The following MPND variants were observed in gnomAD, a reference collection of about 807,000 sequenced individuals.
MPND encodes MPN domain containing, also known as MPN domain-containing protein.
In MPND, 56 loss-of-function variants were observed where a neutral mutation model predicts 59.2. The ratio of observed to expected loss-of-function variants is 0.95; its 90% CI spans 0.76 to 1.18. The LOEUF (loss-of-function observed/expected upper bound fraction) is 1.18, where lower values mean the gene tolerates loss of function less well. MPND is among the 50% of genes most tolerant of loss of function. MPND has a pLI of 0.00. For synonymous variants in MPND, 323 were observed against 291.9 expected, an observed-to-expected ratio of 1.11 and a Z score of -1.09; for missense variants, 671 against 676.0, an observed-to-expected ratio of 0.99 and a Z score of 0.08.
chr19:4,357,555 C>A lies in MPND; in HGVS notation c.1206C>A (p.Ile402=). The change falls in exon 10 of 13, where the codon ATC becomes ATA. Residue 402 remains isoleucine, a synonymous_variant. Transcript: ENST00000599840. ...GCAACCCAGGCCCCGAGTCCAAGAT[C>A]TCACCTTTCTGGGTGATGCCTCCTC... ...YSGNPGPESK[I]SPFWVMPPPE... is the part of the protein sequence containing the mutation. 6.2e-7 allele frequency: 1 copy of A among 1,613,604 alleles called. No homozygotes were observed. Among genetic ancestry groups the A allele is most frequent in the Non-Finnish European group, 8.5e-7 (1 of 1,179,802 alleles).
At chr19:4,357,052 T>C in intron 8 of MPND, 1 of 454,730 alleles carries the variant, frequency 2.2e-6, no homozygotes, top group Non-Finnish European at 3.7e-6. Flanking sequence ...AGGGTGCATC[T>C]TTTATATTAA....
At position 4,354,947 on chromosome 19, in the gene MPND, A is replaced by G. The variant is rs748009479; in HGVS notation, c.847-2A>G. The G allele has an allele frequency of 1.4e-5, 22 of 1,584,920 alleles. No homozygotes were observed. The East Asian group carries it at 5.0e-4, about 36-fold the overall frequency. On this transcript the variant is annotated splice_acceptor_variant, in intron 6 of 12. Coordinates refer to ENST00000599840, the MANE Select transcript of MPND (RefSeq NM_001300862.2). LOFTEE classifies it high-confidence loss of function. Reference sequence around the variant, plus strand: ...GTCTTTTGCTGTTCCTCCCTTCCCCAGGACTTCCACAGTCACCTGACACGG... The same window carrying G: ...GTCTTTTGCTGTTCCTCCCTTCCCCGGGACTTCCACAGTCACCTGACACGG...
chr19:4,345,228 G>A (rs1442892655), intron 2 of MPND, among the ~76,000 whole-genome samples: 2 of 150,826 alleles, frequency 1.3e-5, no homozygotes, highest in African/African-American at 4.9e-5. Context: ...TATATTTTTA[G>A]TAGAGATGGG....
intron 8 of MPND, among the ~76,000 whole-genome samples, chr19:4,355,872 C>G (rs1220143908): frequency 2.4e-5 from 2 of 84,188 alleles, no homozygotes; most frequent in Non-Finnish European, 2.4e-5. Context: ...TTTTTTTTTT[C>G]TTGAGACATT....
rs1972408780 is a variant in MPND, at chr19:4,355,150, A to T, written c.973A>T (p.Thr325Ser). The change falls in exon 8 of 13, where the codon ACT (threonine) becomes TCT (serine). Residue 325 changes from threonine (T) to serine (S), a missense_variant. Transcript: ENST00000599840. Reference protein sequence around the residue: ...PCRSRLGDAETAAAIEEEIYQ... With the variant: ...PCRSRLGDAESAAAIEEEIYQ... ...TCGGAGCCGGCTCGGGGACGCAGAG[A>T]CTGCAGCTGCCATCGAAGAGGAGGT... The T allele has an allele frequency of 6.2e-7, 1 of 1,613,196 alleles. No homozygotes were observed. The highest frequency in any genetic ancestry group is 1.7e-5 in the Admixed American group (1 of 59,988).
At chr19:4,344,045 A>G (rs1972131759) in intron 2 of MPND, 51 bp downstream of exon 2, 3 of 1,225,184 alleles carry the variant, frequency 2.4e-6, no homozygotes, top group African/African-American at 3.2e-5. Context: ...GGAAGGGGAA[A>G]CTGAGGCCTG....
At chr19:4,352,869 C>T (rs767736239) in intron 3 of MPND, 28 bp from the exon 4 acceptor site, 13 of 1,329,406 alleles carry the variant, frequency 9.8e-6, no homozygotes, top group South Asian at 5.1e-5. Context: ...AGGGTCCCAC[C>T]GCTGTCCCTG....
chr19:4,355,985 C>T (rs983745107), intron 8 of MPND, among the ~76,000 whole-genome samples: 1 of 151,450 alleles, frequency 6.6e-6, no homozygotes, highest in Non-Finnish European at 1.5e-5. Context: ...TCCTGAATAC[C>T]TAGGATTACA....
At chr19:4,356,342 C>A (rs1972437744) in intron 8 of MPND, among the ~76,000 whole-genome samples, 1 of 152,048 alleles carries the variant, frequency 6.6e-6, no homozygotes, top group Non-Finnish European at 1.5e-5. Flanking sequence ...TGCTGGAGTT[C>A]AACACCAGCC....
chr19:4,357,110 C>A, intron 8 of MPND, 143 bp from the exon 9 acceptor site: 2 of 753,770 alleles, frequency 2.7e-6, no homozygotes, highest in Non-Finnish European at 1.9e-6. Context: ...GACTCAGTGG[C>A]GGTGGGGGCA....
Position 4,357,746 on chromosome 19 carries a change from G to C in MPND, c.1236+161G>C, listed in dbSNP as rs977748818. 12 of 727,186 alleles carry C rather than the reference G, an allele frequency of 1.7e-5. No individual in the cohort carries two copies. In the African/African-American group the frequency reaches 1.8e-4, roughly 11 times the overall value. The allele number at this position is 727,186 out of a possible 1,614,324, so 45.0% of individuals were successfully genotyped here. A position where few individuals can be genotyped will look rare whatever the true frequency, so the allele number is the denominator to read the frequency against. On this transcript the variant is annotated intron_variant, in intron 10 of 12. Transcript: ENST00000599840. ...GTGACTGCTGCCCTGCCCATATTTTGGTGAGGTCCTGGGCGTGGGGCCTCC... is the reference window on the plus strand; with the variant it reads ...GTGACTGCTGCCCTGCCCATATTTTCGTGAGGTCCTGGGCGTGGGGCCTCC...
chr19:4,352,166 G>A (rs1972333050), intron 3 of MPND, among the ~76,000 whole-genome samples: 3 of 151,458 alleles, frequency 2.0e-5, no homozygotes, highest in South Asian at 2.1e-4. Context: ...GAGTGAGACC[G>A]TGTCTCAAAG....
intron 2 of MPND, among the ~76,000 whole-genome samples, chr19:4,345,303 T>C (rs1298746936): frequency 2.6e-5 from 4 of 152,178 alleles, no homozygotes; most frequent in African/African-American, 9.7e-5. Flanking sequence ...CGCCTCAGCC[T>C]CCCAAAGTGC....
chr19:4,357,540 C>G lies in MPND; in HGVS notation c.1191C>G (p.Gly397=), dbSNP rs754738871. 6.2e-7 allele frequency: 1 copy of G among 1,613,628 alleles called. No homozygotes were observed. The highest frequency in any genetic ancestry group is 8.5e-7 in the Non-Finnish European group (1 of 1,179,862). Reference sequence around the variant, plus strand: ...CCCCTTACTATTCTGGCAACCCAGGCCCCGAGTCCAAGATCTCACCTTTCT... The same window carrying G: ...CCCCTTACTATTCTGGCAACCCAGGGCCCGAGTCCAAGATCTCACCTTTCT... ...LCSPYYSGNP[G]PESKISPFWV... The change falls in exon 10 of 13, where the codon GGC becomes GGG. Residue 397 remains glycine, a synonymous_variant. Transcript: ENST00000599840.
At position 4,357,235 on chromosome 19, in the gene MPND, C is replaced by A; in HGVS notation, c.997-18C>A. 1 of 1,568,346 alleles carries A rather than the reference C, an allele frequency of 6.4e-7. No homozygotes were observed. ...CGTTCAGGCCCCTGTGCCCGCTGAG[C>A]TGCGCCTCTGTCCCCAGATCTACCA... On this transcript the variant is annotated intron_variant, in intron 8 of 12. Coordinates refer to ENST00000599840, the MANE Select transcript of MPND (RefSeq NM_001300862.2).
chr19:4,354,505 C>A, intron 6 of MPND, 85 bp downstream of exon 6: 1 of 1,082,620 alleles, frequency 9.2e-7, no homozygotes, highest in Non-Finnish European at 1.4e-6. Context: ...GTATCAGCTC[C>A]ATGAGAGCTG....
At position 4,343,906 on chromosome 19, in the gene MPND, C is replaced by T; in HGVS notation, c.206C>T (p.Ala69Val). Reference sequence around the variant, plus strand: ...GGGGGCTGCGGCGGGCCCGGGGGCGCGCTCACCAGGCGCGCGGTCACACTG... The same window carrying T: ...GGGGGCTGCGGCGGGCCCGGGGGCGTGCTCACCAGGCGCGCGGTCACACTG... ...GAGGCGGPGG[A>V]LTRRAVTLRV... The change falls in exon 2 of 13, where the codon GCG (alanine) becomes GTG (valine). Residue 69 changes from alanine to valine, a missense_variant. Physicochemically the swap from Ala to Val is moderately conservative, Grantham distance 64 (BLOSUM62 0). Transcript: ENST00000599840. The T allele has an allele frequency of 7.9e-7, 1 of 1,267,144 alleles. No homozygotes were observed. 78.5% of individuals were successfully genotyped at this position (1,267,144 alleles called of 1,614,324 possible).
chr19:4,346,002 C>T, intron 3 of MPND, 21 bp downstream of exon 3: 1 of 1,595,004 alleles, frequency 6.3e-7, no homozygotes, highest in Non-Finnish European at 8.6e-7. Context: ...CAGCCTCCTC[C>T]AGGAAGCCGC....
chr19:4,354,970 C>T lies in MPND; in HGVS notation c.868C>T (p.Arg290Trp), dbSNP rs528775556. 89 of 1,565,626 alleles carry T rather than the reference C, an allele frequency of 5.7e-5. 1 individual carries two copies. The South Asian group carries it at 6.0e-4, about 10-fold the overall frequency. ...FLLDFHSHLT[R>W]SEVVGYLGGR... The stretch of plus-strand genomic sequence containing the variant: ...CCAGGACTTCCACAGTCACCTGACA[C>T]GGAGTGAGGTCGTGGGTTACCTGGG... The change falls in exon 7 of 13, where the codon CGG becomes TGG. Residue 290 changes from arginine to tryptophan, a missense_variant. Coordinates refer to ENST00000599840, the MANE Select transcript of MPND (RefSeq NM_001300862.2).
Sources: allele counts gnomAD v4.1 joint callset (sites outside exome capture counted in the v4.1 genomes callset), GRCh38; gene constraint gnomAD v4.1.1; transcripts MANE v1.5; gene names NCBI Gene and HGNC (gene_info 2026-07-23, HGNC 2026-07-21).